Variants in SHB observed in about 807,000 individuals in gnomAD.
SHB encodes the protein SH2 domain containing adaptor protein B, also known as SH2 domain-containing adapter protein B.
A neutral mutation model predicts 52.3 loss-of-function variants in SHB; 20 were observed. That is an observed-to-expected ratio of 0.38 (90% CI 0.27 to 0.56). The LOEUF (loss-of-function observed/expected upper bound fraction) is 0.56. SHB is among the 20% of genes least tolerant of loss of function. The probability of loss-of-function intolerance (pLI) is 0.71; values close to 1 mark genes in which losing one functional copy is unlikely to be tolerated. For synonymous variants in SHB, 397 were observed against 316.5 expected, an observed-to-expected ratio of 1.25 and a Z score of -2.70; for missense variants, 825 against 723.3, an observed-to-expected ratio of 1.14 and a Z score of -1.61.
At chr9:38,039,289 A>C (rs537672811) in intron 1 of SHB, among the ~76,000 whole-genome samples, 2 of 152,384 alleles carry the variant, frequency 1.3e-5, no homozygotes, top group East Asian at 3.9e-4. Flanking sequence ...AAACAAGAAG[A>C]AAACTGACAA....
At chr9:38,027,559 A>G (rs1417339193) in intron 1 of SHB, among the ~76,000 whole-genome samples, 1 of 151,748 alleles carries the variant, frequency 6.6e-6, no homozygotes, top group Non-Finnish European at 1.5e-5. Context: ...TACCGGGGAC[A>G]GGGAAAATGG....
At chr9:38,050,421 T>C (rs182687949) in intron 1 of SHB, among the ~76,000 whole-genome samples, 40 of 152,324 alleles carry the variant, frequency 2.6e-4, no homozygotes. Flanking sequence ...CATTCAAACC[T>C]ACCTTTGAAA....
intron 1 of SHB, among the ~76,000 whole-genome samples, chr9:38,049,635 CAAA>C (rs147034881): frequency 1.2e-4 from 8 of 68,494 alleles, no homozygotes; most frequent in Non-Finnish European, 1.9e-4. Context: ...AAAAACAAAG[CAAA>C]AAAAAAAAAA....
intron 2 of SHB, among the ~76,000 whole-genome samples, chr9:37,998,244 G>A (rs1411065584): frequency 3.6e-5 from 5 of 139,710 alleles, no homozygotes; most frequent in African/African-American, 1.1e-4. Flanking sequence ...ACTAGGGCCA[G>A]GGCCCCAACA....
At chr9:38,016,645 GACA>G (rs761519808) in intron 1 of SHB, among the ~76,000 whole-genome samples, 4 of 152,198 alleles carry the variant, frequency 2.6e-5, no homozygotes, top group Non-Finnish European at 5.9e-5. Context: ...TGGGTCATCA[GACA>G]ACAATTTGGT....
intron 3 of SHB, among the ~76,000 whole-genome samples, chr9:37,964,251 G>A (rs944378675): frequency 6.6e-6 from 1 of 152,214 alleles, no homozygotes; most frequent in Non-Finnish European, 1.5e-5. Flanking sequence ...GGCGGCCAGC[G>A]ACTCACCACA....
chr9:38,058,230 G>C (rs554609067), intron 1 of SHB, among the ~76,000 whole-genome samples: 1 of 152,160 alleles, frequency 6.6e-6, no homozygotes, highest in Admixed American at 6.5e-5. Flanking sequence ...TCTTCCTGAC[G>C]GTTTTCCCCA....
intron 2 of SHB, among the ~76,000 whole-genome samples, chr9:38,001,015 T>C (rs1434243818): frequency 6.6e-6 from 1 of 152,216 alleles, no homozygotes; most frequent in South Asian, 2.1e-4. Context: ...GGGATGTGCT[T>C]GGTATGTAAA....
At position 37,920,542 on chromosome 9, in the gene SHB, C is replaced by A. The variant is rs550870546; in HGVS notation, c.1347-538G>T. On this transcript the variant is annotated intron_variant, in intron 5 of 5. Transcript: ENST00000377707. ...TAGGAAACTGTCACTGGGAAGGGGC[C>A]ACCCAGCCAGGGACTACATTTCCCA... 9.8e-5 allele frequency among the ~76,000 whole-genome samples: 15 copies of A among 152,314 alleles called. No homozygotes were observed. The South Asian group carries it at 3.1e-3, about 32-fold the overall frequency.
intron 3 of SHB, among the ~76,000 whole-genome samples, chr9:37,964,899 C>T (rs1403577502): frequency 6.6e-6 from 1 of 152,194 alleles, no homozygotes; most frequent in Non-Finnish European, 1.5e-5. Context: ...GGCCCCAGCA[C>T]CTGAGCTCCT....
intron 1 of SHB, among the ~76,000 whole-genome samples, chr9:38,021,327 C>T (rs1245908547): frequency 2.0e-5 from 3 of 148,100 alleles, no homozygotes; most frequent in South Asian, 2.2e-4. Context: ...GCAGTAAGAG[C>T]GAAACTCTGT....
At chr9:37,980,618 G>C (rs1820713452) in intron 2 of SHB, among the ~76,000 whole-genome samples, 1 of 152,156 alleles carries the variant, frequency 6.6e-6, no homozygotes, top group African/African-American at 2.4e-5. Flanking sequence ...GTACTTAATG[G>C]CTTCTAGAAC....
intron 2 of SHB, among the ~76,000 whole-genome samples, chr9:37,975,612 A>G (rs1820644633): frequency 6.6e-6 from 1 of 152,232 alleles, no homozygotes; most frequent in Non-Finnish European, 1.5e-5. Context: ...CTGGGAGGCC[A>G]GTAGTGGCTG....
chr9:37,974,523 T>G, intron 3 of SHB, 99 bp downstream of exon 3: 1 of 1,020,502 alleles, frequency 9.8e-7, no homozygotes, highest in South Asian at 1.4e-5. Flanking sequence ...ACTGGATTAT[T>G]AAACAACCCT....
At chr9:38,004,224 C>A (rs1158902853) in intron 2 of SHB, among the ~76,000 whole-genome samples, 4 of 152,176 alleles carry the variant, frequency 2.6e-5, no homozygotes, top group African/African-American at 9.7e-5. Flanking sequence ...GGCATGAGAG[C>A]ACAGGGCTTC....
chr9:37,943,373 G>C (rs367907828), intron 5 of SHB, among the ~76,000 whole-genome samples: 1 of 152,170 alleles, frequency 6.6e-6, no homozygotes, highest in African/African-American at 2.4e-5. Flanking sequence ...GTGAGCTCCT[G>C]CAGGGCTACA....
intron 3 of SHB, among the ~76,000 whole-genome samples, chr9:37,974,306 G>T (rs544285000): frequency 7.3e-4 from 111 of 152,236 alleles, no homozygotes; most frequent in African/African-American, 2.4e-3. Flanking sequence ...CTTGGCTTCA[G>T]TGAGCTAGGG....
chr9:37,920,563 T>TACA (rs1208830361), intron 5 of SHB, among the ~76,000 whole-genome samples: 2 of 152,186 alleles, frequency 1.3e-5, no homozygotes, highest in African/African-American at 2.4e-5. Flanking sequence ...GGACTACATT[T>TACA]CCCAGCCTCC....
intron 5 of SHB, among the ~76,000 whole-genome samples, chr9:37,926,978 C>T (rs1187381729): frequency 1.3e-5 from 2 of 152,242 alleles, no homozygotes; most frequent in Non-Finnish European, 2.9e-5. Context: ...TGGTCCATGA[C>T]TGGACTAACC....
Sources: gnomAD v4.1 joint callset for allele counts (sites outside exome capture counted in the v4.1 genomes callset) on GRCh38, gnomAD v4.1.1 for gene constraint, MANE v1.5 for transcripts, NCBI Gene and HGNC (gene_info 2026-07-23, HGNC 2026-07-21) for gene names.